SV2B: variants seen among roughly 807,000 people sequenced by gnomAD.
The protein encoded by SV2B is synaptic vesicle glycoprotein 2B.
A neutral mutation model predicts 73.9 loss-of-function variants in SV2B; 41 were observed. That is an observed-to-expected ratio of 0.56 (90% CI 0.43 to 0.72). The LOEUF is 0.72. SV2B is among the 30% of genes least tolerant of loss of function. The pLI, the probability that SV2B is intolerant of heterozygous loss-of-function variation, is 0.00. For synonymous variants in SV2B, 314 were observed against 314.2 expected, an observed-to-expected ratio of 1.00 and a Z score of 0.01; for missense variants, 764 against 857.8, an observed-to-expected ratio of 0.89 and a Z score of 1.37.
At chr15:91,276,029 A>T (rs1241331854) in intron 9 of SV2B, among the ~76,000 whole-genome samples, 1 of 150,898 alleles carries the variant, frequency 6.6e-6, no homozygotes, top group Non-Finnish European at 1.5e-5. Context: ...TCAATTTTGA[A>T]AATATTTTTG....
rs1259926673 is a variant in SV2B at position 91,281,288 on chromosome 15, T to C, written c.1374-440T>C. On this transcript the variant is annotated intron_variant, in intron 9 of 12. Transcript: ENST00000394232. The surrounding 1 kb of genome is among the most constrained non-coding windows in gnomAD (Gnocchi z 4.7). The stretch of plus-strand genomic sequence containing the variant: ...TGAAAGGCCTATTTCCCCACATCTT[T>C]GTTGGGACAATTTTTTTAAAAATGA... Among the ~76,000 whole-genome samples, 5 of 152,226 alleles carry C rather than the reference T, an allele frequency of 3.3e-5. No homozygotes were observed. Among genetic ancestry groups the C allele is most frequent in the African/African-American group, 2.4e-5 (1 of 41,470 alleles).
At chr15:91,157,955 A>T (rs2043547410) in intron 1 of SV2B, among the ~76,000 whole-genome samples, 1 of 152,172 alleles carries the variant, frequency 6.6e-6, no homozygotes, top group Non-Finnish European at 1.5e-5. Context: ...GGTTCCAGGA[A>T]TGCAGGTGGG....
chr15:91,284,290 A>G lies in SV2B; in HGVS notation c.1708+69A>G, dbSNP rs79830882. 25,801 of 1,534,722 alleles carry G rather than the reference A, an allele frequency of 0.017. 1,220 individuals are homozygous for G. Among genetic ancestry groups the G allele is most frequent in the African/African-American group, 0.16 (11,300 of 72,706 alleles). On this transcript the variant is annotated intron_variant, in intron 11 of 12. Coordinates refer to ENST00000394232, the MANE Select transcript of SV2B (RefSeq NM_001323032.3). This position sits in a 1 kb window ranked among gnomAD's most constrained non-coding sequence, Gnocchi z 4.5. The stretch of plus-strand genomic sequence containing the variant: ...GTGGTGACTTTCAAGTGTATTAAAC[A>G]GGGAAATTTTCCCTTTTATTAAATA...
intron 1 of SV2B, among the ~76,000 whole-genome samples, chr15:91,190,942 T>C (rs1181800153): frequency 1.3e-5 from 2 of 152,022 alleles, no homozygotes; most frequent in Non-Finnish European, 1.5e-5. Context: ...TCATTATAGT[T>C]TCTTGATCTA....
At chr15:91,143,355 T>C (rs2043052418) in intron 1 of SV2B, among the ~76,000 whole-genome samples, 1 of 152,212 alleles carries the variant, frequency 6.6e-6, no homozygotes, top group Non-Finnish European at 1.5e-5. Flanking sequence ...CACACCCAGG[T>C]CTGGGGACCA....
chr15:91,150,655 A>T (rs148295383), intron 1 of SV2B, among the ~76,000 whole-genome samples: 2 of 152,222 alleles, frequency 1.3e-5, no homozygotes, highest in African/African-American at 4.8e-5. Context: ...GTCTGCTTCC[A>T]TAAGCAGATG....
chr15:91,132,316 C>T lies in SV2B; in HGVS notation c.-392+31953C>T, dbSNP rs2042678642. 6.6e-6 allele frequency among the ~76,000 whole-genome samples: 1 copy of T among 152,130 alleles called. No individual in the cohort carries two copies. Among genetic ancestry groups the T allele is most frequent in the African/African-American group, 2.4e-5 (1 of 41,420 alleles). On this transcript the variant is annotated intron_variant, in intron 1 of 12. Coordinates refer to ENST00000394232, the MANE Select transcript of SV2B (RefSeq NM_001323032.3). This position sits in a 1 kb window ranked among gnomAD's most constrained non-coding sequence, Gnocchi z 4.6. ...CTGATTGGTTGCAGAAAGCAGCCAA[C>T]CAGAGGCTGAAGTGAAGTTACAAAG... is the stretch of plus-strand genomic sequence containing the variant.
Position 91,292,832 on chromosome 15 carries a change from A to T in SV2B, c.*280A>T. 1 of 304,710 alleles carries T rather than the reference A, an allele frequency of 3.3e-6. No homozygotes were observed. 18.9% of individuals were successfully genotyped at this position (304,710 alleles called of 1,614,324 possible). On this transcript the variant is annotated 3_prime_UTR_variant, in exon 13 of 13. Coordinates refer to ENST00000394232, the MANE Select transcript of SV2B (RefSeq NM_001323032.3). ...AGGGAGAGGATTCTCCAGTGAGTGCACACACTATGCGAGGAGCAAGCATTT... is the reference window on the plus strand; with the variant it reads ...AGGGAGAGGATTCTCCAGTGAGTGCTCACACTATGCGAGGAGCAAGCATTT...
chr15:91,172,549 G>A (rs1023735530), intron 1 of SV2B, among the ~76,000 whole-genome samples: 2 of 152,186 alleles, frequency 1.3e-5, no homozygotes, highest in African/African-American at 4.8e-5. Context: ...CGAAAGAGGA[G>A]GACTGGGTGC....
At chr15:91,120,003 A>T (rs1174361264) in intron 1 of SV2B, among the ~76,000 whole-genome samples, 1 of 152,274 alleles carries the variant, frequency 6.6e-6, no homozygotes, top group Non-Finnish European at 1.5e-5. Context: ...AGAAATACTT[A>T]TAAGAAATAT....
At chr15:91,272,545 T>G (rs747840358) in intron 9 of SV2B, among the ~76,000 whole-genome samples, 1 of 152,160 alleles carries the variant, frequency 6.6e-6, no homozygotes, top group Non-Finnish European at 1.5e-5. Flanking sequence ...CTTACTCAGG[T>G]AGGAACGTGT....
Position 91,292,574 on chromosome 15 carries a change from G to C in SV2B, c.*22G>C. ...GTGAACAACCTATGGGAAAAGGAAAGGTCGAGAGAATCTTGTCCAGGACAC... is the reference window on the plus strand; with the variant it reads ...GTGAACAACCTATGGGAAAAGGAAACGTCGAGAGAATCTTGTCCAGGACAC... On this transcript the variant is annotated 3_prime_UTR_variant, in exon 13 of 13. Transcript: ENST00000394232. 1 of 1,601,928 alleles carries C rather than the reference G, an allele frequency of 6.2e-7. No individual in the cohort carries two copies. The highest frequency in any genetic ancestry group is 8.5e-7 in the Non-Finnish European group (1 of 1,174,798).
rs2048116863 is a variant in SV2B at position 91,266,714 on chromosome 15, G to A, written c.1119+22G>A. 6 of 1,575,970 alleles carry A rather than the reference G, an allele frequency of 3.8e-6. No homozygotes were observed. In the East Asian group the frequency reaches 1.1e-4, roughly 29 times the overall value. On this transcript the variant is annotated intron_variant, in intron 7 of 12. Coordinates refer to ENST00000394232, the MANE Select transcript of SV2B (RefSeq NM_001323032.3). ...GCAGGTATGATTGGGAACTTACTTT[G>A]GATGAGGATGCGTCTCTATGGGAGT...
intron 9 of SV2B, among the ~76,000 whole-genome samples, chr15:91,275,811 G>A (rs1194255329): frequency 2.0e-5 from 3 of 152,116 alleles, no homozygotes; most frequent in African/African-American, 7.2e-5. Flanking sequence ...GGGTGACAGA[G>A]TGAGACTCTG....
intron 1 of SV2B, among the ~76,000 whole-genome samples, chr15:91,181,002 T>G (rs1255459277): frequency 6.6e-6 from 1 of 152,162 alleles, no homozygotes; most frequent in Non-Finnish European, 1.5e-5. Flanking sequence ...TTCTGCTCTG[T>G]TTTTTCCCCA....
Position 91,289,633 on chromosome 15 carries a change from G to A in SV2B, c.1821G>A (p.Trp607Ter). 1.9e-6 allele frequency: 3 copies of A among 1,614,098 alleles called. No individual in the cohort carries two copies. The highest frequency in any genetic ancestry group is 2.5e-6 in the Non-Finnish European group (3 of 1,180,030). The change falls in exon 12 of 13, where the codon TGG (tryptophan) becomes TGA (stop). Residue 607 changes from tryptophan (W) to a stop codon, truncating the protein, a stop_gained. Coordinates refer to ENST00000394232, the MANE Select transcript of SV2B (RefSeq NM_001323032.3). LOFTEE classifies it high-confidence loss of function. The surrounding 1 kb of genome is among the most constrained non-coding windows in gnomAD (Gnocchi z 4.9). ...CLFCGTSIAA[W>*]NALDVITVEL... ...TCTGTGGGACAAGCATTGCAGCCTG[G>A]AATGCTCTGGATGTGATCACAGTGG...
intron 1 of SV2B, among the ~76,000 whole-genome samples, chr15:91,170,723 A>G (rs77803198): frequency 0.023 from 3,449 of 152,380 alleles, 65 homozygotes; most frequent in Non-Finnish European, 0.036. Context: ...CAGAAACTAG[A>G]ATAGTGCTTG....
intron 1 of SV2B, among the ~76,000 whole-genome samples, chr15:91,158,720 TC>T (rs1567300814): frequency 1.4e-3 from 117 of 81,222 alleles, no homozygotes; most frequent in African/African-American, 2.3e-3. Flanking sequence ...TCTCCTCTCC[TC>T]TCCTCTCTTC....
At chr15:91,170,724 A>G (rs2044093530) in intron 1 of SV2B, among the ~76,000 whole-genome samples, 1 of 152,272 alleles carries the variant, frequency 6.6e-6, no homozygotes, top group Non-Finnish European at 1.5e-5. Flanking sequence ...AGAAACTAGA[A>G]TAGTGCTTGG....
Sources: allele counts gnomAD v4.1 joint callset (sites outside exome capture counted in the v4.1 genomes callset), GRCh38; gene constraint gnomAD v4.1.1; non-coding constraint Gnocchi (gnomAD v3.1); transcripts MANE v1.5; gene names NCBI Gene and HGNC (gene_info 2026-07-23, HGNC 2026-07-21).